The following NRG1 variants were observed in gnomAD, a reference collection of about 807,000 sequenced individuals.
NRG1 encodes the protein neuregulin 1.
A neutral mutation model predicts 63.8 loss-of-function variants in NRG1; 18 were observed. The observed-to-expected ratio is 0.28, with a 90% CI of 0.19 to 0.42. NRG1 has a LOEUF of 0.42. Ranked by LOEUF, NRG1 falls within the 10% of genes least tolerant of loss-of-function variation. The pLI is 1.00. For missense variants in NRG1, 762 were observed against 814.7 expected (o/e 0.94, Z 0.79); for synonymous variants, 302 against 301.3 (o/e 1.00, Z -0.02).
intron 1 of NRG1, among the ~76,000 whole-genome samples, chr8:32,220,387 G>T (rs1440002712): frequency 1.3e-5 from 2 of 151,970 alleles, no homozygotes; most frequent in African/African-American, 2.4e-5. Flanking sequence ...TGTATTCCAC[G>T]CATCACCTTG....
At chr8:32,284,493 T>G (rs3963391) in intron 1 of NRG1, among the ~76,000 whole-genome samples, 1,979 of 27,390 alleles carry the variant, frequency 0.072, 12 homozygotes, top group Middle Eastern at 0.16. Flanking sequence ...CTGCCTGCCT[T>G]CCTTCCTTCC....
chr8:31,896,735 A>G (rs558578741), intron 1 of NRG1, among the ~76,000 whole-genome samples: 4 of 152,294 alleles, frequency 2.6e-5, no homozygotes, highest in South Asian at 2.1e-4. Context: ...GTATTATTCT[A>G]CTTATCCTTC....
chr8:31,791,455 G>C (rs4733274), intron 1 of NRG1, among the ~76,000 whole-genome samples: 86,303 of 151,948 alleles, frequency 0.57, 24,932 homozygotes, highest in East Asian at 0.8. Context: ...CTCCTATCAA[G>C]AATATTCTTT....
intron 1 of NRG1, among the ~76,000 whole-genome samples, chr8:32,094,274 C>A (rs1318831166): frequency 6.6e-6 from 1 of 152,132 alleles, no homozygotes; most frequent in Admixed American, 6.6e-5. Flanking sequence ...TAATACCCTG[C>A]CAACAGCAAG....
At chr8:32,063,674 G>T (rs1824255983) in intron 1 of NRG1, among the ~76,000 whole-genome samples, 1 of 151,972 alleles carries the variant, frequency 6.6e-6, no homozygotes, top group African/African-American at 2.4e-5. Context: ...AGACTTGTTA[G>T]GTCATGTATT....
intron 1 of NRG1, among the ~76,000 whole-genome samples, chr8:32,147,372 C>T (rs1265726004): frequency 6.6e-6 from 1 of 152,146 alleles, no homozygotes; most frequent in Non-Finnish European, 1.5e-5. Flanking sequence ...AATGTCAATA[C>T]AGGAATAGTT....
chr8:31,758,362 T>C (rs1468300405), intron 1 of NRG1, among the ~76,000 whole-genome samples: 1 of 152,104 alleles, frequency 6.6e-6, no homozygotes, highest in Non-Finnish European at 1.5e-5. Context: ...ATCCCATTAC[T>C]GGGTATATAC....
intron 1 of NRG1, among the ~76,000 whole-genome samples, chr8:32,352,560 G>C (rs1325406894): frequency 6.6e-6 from 1 of 152,098 alleles, no homozygotes; most frequent in Admixed American, 6.6e-5. Flanking sequence ...GAAGAAAGGG[G>C]CCATTTTAAC....
chr8:32,112,130 T>C (rs139120674), intron 1 of NRG1, among the ~76,000 whole-genome samples: 84 of 152,290 alleles, frequency 5.5e-4, no homozygotes, highest in Middle Eastern at 6.8e-3. Flanking sequence ...ACAAGACAGA[T>C]CTTATGAGAA....
intron 1 of NRG1, among the ~76,000 whole-genome samples, chr8:32,233,559 ATATATTTTTT>A (rs1431101673): frequency 0.035 from 2,336 of 67,450 alleles, 66 homozygotes; most frequent in African/African-American, 0.13. Flanking sequence ...ATATATATAT[ATATATTTTTT>A]TTTTTTTTTC....
At chr8:32,160,250 C>A (rs1377237296) in intron 1 of NRG1, among the ~76,000 whole-genome samples, 1 of 152,154 alleles carries the variant, frequency 6.6e-6, no homozygotes, top group Non-Finnish European at 1.5e-5. Flanking sequence ...AGGGAAAATA[C>A]AAAGAGCATA....
intron 1 of NRG1, among the ~76,000 whole-genome samples, chr8:31,718,451 G>C (rs982734389): frequency 2.6e-5 from 4 of 151,990 alleles, no homozygotes; most frequent in African/African-American, 9.7e-5. Flanking sequence ...TTTATAGCAG[G>C]GCACAGTCAC....
intron 1 of NRG1, among the ~76,000 whole-genome samples, chr8:31,677,831 A>G (rs1401671482): frequency 6.6e-6 from 1 of 152,150 alleles, no homozygotes; most frequent in Non-Finnish European, 1.5e-5. Flanking sequence ...GGCCTAGTAC[A>G]TCCCTTGCAT....
At chr8:31,790,545 A>G (rs926988430) in intron 1 of NRG1, among the ~76,000 whole-genome samples, 1 of 152,236 alleles carries the variant, frequency 6.6e-6, no homozygotes, top group African/African-American at 2.4e-5. Context: ...GAGTTACACA[A>G]GAATACATTT....
intron 1 of NRG1, among the ~76,000 whole-genome samples, chr8:32,028,793 G>A (rs1006903519): frequency 6.6e-6 from 1 of 152,130 alleles, no homozygotes; most frequent in Middle Eastern, 3.2e-3. Flanking sequence ...TCCTGCAGTG[G>A]AAAGGGGAAC....
chr8:32,246,539 G>C (rs1022913596), intron 1 of NRG1, among the ~76,000 whole-genome samples: 1 of 152,164 alleles, frequency 6.6e-6, no homozygotes, highest in Non-Finnish European at 1.5e-5. Flanking sequence ...ATAATCCTTT[G>C]TTAAGACAAA....
At chr8:31,661,409 C>T (rs1419896276) in intron 1 of NRG1, among the ~76,000 whole-genome samples, 1 of 152,168 alleles carries the variant, frequency 6.6e-6, no homozygotes, top group Non-Finnish European at 1.5e-5. Context: ...CCATTTATTT[C>T]TAAATTTTTA....
At chr8:32,618,196 T>C (rs571426563) in intron 5 of NRG1, among the ~76,000 whole-genome samples, 11 of 152,204 alleles carry the variant, frequency 7.2e-5, no homozygotes, top group Admixed American at 3.9e-4. Context: ...AGGAATCACA[T>C]TGAGCTTTTT....
At chr8:32,771,014 C>T (rs1013493173), downstream of NRG1, among the ~76,000 whole-genome samples, 7 of 152,150 alleles carry the variant, frequency 4.6e-5, no homozygotes, top group African/African-American at 1.4e-4. Context: ...CAACATAGTG[C>T]CAGTAAGCAA....
Sources: gnomAD v4.1 joint callset for allele counts (sites outside exome capture counted in the v4.1 genomes callset) on GRCh38, gnomAD v4.1.1 for gene constraint, MANE v1.5 for transcripts, NCBI Gene and HGNC (gene_info 2026-07-23, HGNC 2026-07-21) for gene names.